Variants in VTI1A observed in about 807,000 individuals in gnomAD.
VTI1A encodes vesicle transport through interaction with t-SNAREs 1A.
A neutral mutation model predicts 34.9 loss-of-function variants in VTI1A; 22 were observed. That is an observed-to-expected ratio of 0.63 (90% CI 0.45 to 0.90). The LOEUF (loss-of-function observed/expected upper bound fraction) is 0.90. Ranked by LOEUF, VTI1A falls within the 40% of genes least tolerant of loss-of-function variation. VTI1A has a pLI of 0.00. For missense variants in VTI1A, 268 were observed against 275.6 expected, an observed-to-expected ratio of 0.97 and a Z score of 0.20; for synonymous variants, 87 against 97.3, an observed-to-expected ratio of 0.89 and a Z score of 0.62.
chr10:112,642,977 C>CTTTTTT (rs58619611), intron 5 of VTI1A, among the ~76,000 whole-genome samples: 301 of 120,972 alleles, frequency 2.5e-3, no homozygotes, highest in Middle Eastern at 5.1e-3. Flanking sequence ...TTTTTCTTTT[C>CTTTTTT]TTTTTTTTTT....
intron 5 of VTI1A, among the ~76,000 whole-genome samples, chr10:112,596,714 C>A (rs12261829): frequency 0.095 from 14,405 of 152,192 alleles, 749 homozygotes; most frequent in Non-Finnish European, 0.11. Context: ...CTTTTTATTA[C>A]ATTTCTTTGT....
At chr10:112,545,404 A>C (rs1306882392) in intron 5 of VTI1A, among the ~76,000 whole-genome samples, 1 of 152,262 alleles carries the variant, frequency 6.6e-6, no homozygotes, top group Non-Finnish European at 1.5e-5. Context: ...GAATGATGAT[A>C]ATGATACTTA....
At chr10:112,667,759 A>G (rs1847697407) in intron 5 of VTI1A, among the ~76,000 whole-genome samples, 1 of 152,204 alleles carries the variant, frequency 6.6e-6, no homozygotes, top group Non-Finnish European at 1.5e-5. Flanking sequence ...TATGAGGATT[A>G]CTTATGCAGG....
In VTI1A at chr10:112,818,207, A is replaced by G. The variant is rs140518003; in HGVS notation, c.*2824A>G. ...CCCTGAGCTTCAAAGGCTGAAATTA[A>G]TGGTGAACAAAATTGTGCGGCTCTG... On this transcript the variant is annotated 3_prime_UTR_variant, in exon 8 of 8. Coordinates refer to ENST00000393077, the MANE Select transcript of VTI1A (RefSeq NM_145206.4). 1 of 233,384 alleles carries G rather than the reference A, an allele frequency of 4.3e-6. No homozygotes were observed. The highest frequency in any genetic ancestry group is 2.2e-5 in the African/African-American group (1 of 45,458). The allele number at this position is 233,384 out of a possible 1,614,324, so 14.5% of individuals were successfully genotyped here.
chr10:112,837,104 C>T, the VTI1A span, among the ~76,000 whole-genome samples: 427 of 152,232 alleles, frequency 2.8e-3, no homozygotes, highest in Non-Finnish European at 4.8e-3. Context: ...AGGCGGATCA[C>T]GAGGTCAGGA....
intron 5 of VTI1A, among the ~76,000 whole-genome samples, chr10:112,560,477 A>AGTAATCC: frequency 6.6e-6 from 1 of 152,174 alleles, no homozygotes; most frequent in Middle Eastern, 3.4e-3. Context: ...AATTGTAAGG[A>AGTAATCC]GTAATCCATT....
chr10:112,670,899 AC>A, intron 7 of VTI1A, among the ~76,000 whole-genome samples: 1 of 152,200 alleles, frequency 6.6e-6, no homozygotes, highest in Non-Finnish European at 1.5e-5. Context: ...CATATGCATG[AC>A]AATGTTTTTC....
At chr10:112,502,779 A>G (rs185112724) in intron 3 of VTI1A, among the ~76,000 whole-genome samples, 2 of 152,366 alleles carry the variant, frequency 1.3e-5, no homozygotes, top group Admixed American at 1.3e-4. Flanking sequence ...AAGAAAGTGT[A>G]AACTCTAACC....
chr10:112,572,166 T>G (rs1423944245), intron 5 of VTI1A, among the ~76,000 whole-genome samples: 1 of 152,212 alleles, frequency 6.6e-6, no homozygotes, highest in East Asian at 1.9e-4. Flanking sequence ...AGTGGTTGAT[T>G]GTAGAATTCT....
intron 7 of VTI1A, among the ~76,000 whole-genome samples, chr10:112,776,226 C>G (rs182800424): frequency 6.6e-6 from 1 of 152,196 alleles, no homozygotes; most frequent in East Asian, 1.9e-4. Flanking sequence ...GTTCAACACG[C>G]GCTGCACCGT....
intron 5 of VTI1A, among the ~76,000 whole-genome samples, chr10:112,590,051 A>G (rs1844328731): frequency 6.6e-6 from 1 of 152,100 alleles, no homozygotes; most frequent in Non-Finnish European, 1.5e-5. Flanking sequence ...TCATGACACA[A>G]TATTTTTGTA....
intron 3 of VTI1A, among the ~76,000 whole-genome samples, chr10:112,512,273 G>A (rs1435751693): frequency 6.6e-6 from 1 of 151,966 alleles, no homozygotes; most frequent in Non-Finnish European, 1.5e-5. Flanking sequence ...ATTTCATTGT[G>A]GTTTTGATTT....
intron 3 of VTI1A, among the ~76,000 whole-genome samples, chr10:112,486,020 A>G (rs1848612599): frequency 4.6e-5 from 7 of 152,192 alleles, no homozygotes; most frequent in Admixed American, 4.6e-4. Flanking sequence ...TATACAAAGT[A>G]CTTTGGGTTA....
intron 7 of VTI1A, among the ~76,000 whole-genome samples, chr10:112,752,787 A>G (rs1851145032): frequency 6.6e-6 from 1 of 152,052 alleles, no homozygotes; most frequent in Non-Finnish European, 1.5e-5. Flanking sequence ...GCTATTTACT[A>G]CCTTAAAATT....
chr10:112,699,317 G>A (rs997983232), intron 7 of VTI1A, among the ~76,000 whole-genome samples: 3 of 152,190 alleles, frequency 2.0e-5, no homozygotes, highest in Non-Finnish European at 4.4e-5. Flanking sequence ...CTGGAGGTTG[G>A]GAAATTTAAG....
At chr10:112,550,991 C>G (rs1043307048) in intron 5 of VTI1A, among the ~76,000 whole-genome samples, 1 of 152,088 alleles carries the variant, frequency 6.6e-6, no homozygotes, top group South Asian at 2.1e-4. Context: ...CGCCTGTAAT[C>G]CCAGCACTTT....
intron 3 of VTI1A, among the ~76,000 whole-genome samples, chr10:112,486,306 C>A (rs545400423): frequency 6.6e-6 from 1 of 152,158 alleles, no homozygotes; most frequent in African/African-American, 2.4e-5. Flanking sequence ...TGCAGGTTAA[C>A]TACACTTTGG....
Position 112,447,220 on chromosome 10 carries a change from AC to A in VTI1A, c.-152del. On this transcript the variant is annotated 5_prime_UTR_variant, in exon 1 of 8. Coordinates refer to ENST00000393077, the MANE Select transcript of VTI1A (RefSeq NM_145206.4). ...CGGAGAACCGAGATTGCGACGAACA[AC>A]CAGGAAGCGGCTGGGTTGAGAGCTG... 3 of 690,256 alleles carry A rather than the reference AC, an allele frequency of 4.3e-6. No homozygotes were observed. Among genetic ancestry groups the A allele is most frequent in the Non-Finnish European group, 6.9e-6 (3 of 433,700 alleles). The allele number at this position is 690,256 out of a possible 1,614,324, so 42.8% of individuals were successfully genotyped here.
rs142638721 is a variant in VTI1A, at chr10:112,473,281, G to C, written c.264+8624G>C. ...GCGCCACCATGTCCAGCTAATTTTT[G>C]TATTTTTAGTAGAGACGGGGTTTCA... On this transcript the variant is annotated intron_variant, in intron 3 of 7. Transcript: ENST00000393077. 7.0e-4 allele frequency among the ~76,000 whole-genome samples: 106 copies of C among 151,900 alleles called. 2 individuals are homozygous for C. In the East Asian group the frequency reaches 0.02, roughly 29 times the overall value.
Sources: allele counts gnomAD v4.1 joint callset (sites outside exome capture counted in the v4.1 genomes callset), GRCh38; gene constraint gnomAD v4.1.1; transcripts MANE v1.5; gene names NCBI Gene and HGNC (gene_info 2026-07-23, HGNC 2026-07-21).